The following EVI5 variants were observed in gnomAD, a reference collection of about 807,000 sequenced individuals.
EVI5 encodes ecotropic viral integration site 5 protein homolog.
In EVI5, 73 loss-of-function variants were observed where a neutral mutation model predicts 112.0. That is an observed-to-expected ratio of 0.65 (90% CI 0.54 to 0.79). The LOEUF (loss-of-function observed/expected upper bound fraction) is 0.79, where lower values mean the gene tolerates loss of function less well. Ranked by LOEUF, EVI5 falls within the 30% of genes least tolerant of loss-of-function variation. The pLI is 0.00. For synonymous variants in EVI5, 305 were observed against 319.9 expected (o/e 0.95, Z 0.50); for missense variants, 900 against 968.8 (o/e 0.93, Z 0.94).
intron 13 of EVI5, among the ~76,000 whole-genome samples, chr1:92,637,212 T>G (rs1436830951): frequency 6.6e-6 from 1 of 152,044 alleles, no homozygotes; most frequent in East Asian, 1.9e-4. Context: ...ACCCTGTCTC[T>G]ACTAAAAATA....
chr1:92,647,816 T>C (rs936889307), intron 13 of EVI5, among the ~76,000 whole-genome samples: 1 of 151,802 alleles, frequency 6.6e-6, no homozygotes, highest in Non-Finnish European at 1.5e-5. Flanking sequence ...CTTAGCTCAC[T>C]GTAAACTCCA....
chr1:92,753,993 A>C (rs1229303777), intron 1 of EVI5, among the ~76,000 whole-genome samples: 4 of 152,206 alleles, frequency 2.6e-5, no homozygotes, highest in Non-Finnish European at 5.9e-5. Context: ...GTCATCTAGG[A>C]AAGATTGTAT....
At chr1:92,576,446 T>C (rs1557823505) in intron 18 of EVI5, among the ~76,000 whole-genome samples, 1 of 152,158 alleles carries the variant, frequency 6.6e-6, no homozygotes, top group Non-Finnish European at 1.5e-5. Flanking sequence ...CAAAGAATTC[T>C]CTCCATATTT....
intron 14 of EVI5, among the ~76,000 whole-genome samples, chr1:92,635,625 C>T (rs1210776104): frequency 2.0e-5 from 3 of 152,146 alleles, no homozygotes; most frequent in East Asian, 1.9e-4. Context: ...CCTTGCGCTT[C>T]GCGGCTCAGG....
chr1:92,702,643 T>G (rs1168835047), intron 4 of EVI5, among the ~76,000 whole-genome samples: 1 of 151,558 alleles, frequency 6.6e-6, no homozygotes, highest in Non-Finnish European at 1.5e-5. Flanking sequence ...CTGTCTCTAC[T>G]AAAAATACAA....
intron 2 of EVI5, among the ~76,000 whole-genome samples, chr1:92,714,935 G>C (rs1673386496): frequency 6.6e-6 from 1 of 152,066 alleles, no homozygotes; most frequent in Non-Finnish European, 1.5e-5. Flanking sequence ...CACCAGGATT[G>C]TTCTCCCAAG....
intron 19 of EVI5, among the ~76,000 whole-genome samples, chr1:92,529,946 A>G (rs1421124153): frequency 6.6e-6 from 1 of 152,168 alleles, no homozygotes; most frequent in Admixed American, 6.5e-5. Context: ...TTAACACATG[A>G]TTGAATATAT....
At chr1:92,618,924 G>C (rs1424762292) in intron 16 of EVI5, among the ~76,000 whole-genome samples, 1 of 152,192 alleles carries the variant, frequency 6.6e-6, no homozygotes, top group Non-Finnish European at 1.5e-5. Context: ...TTATGTAATA[G>C]TATTTGAGTC....
intron 19 of EVI5, among the ~76,000 whole-genome samples, chr1:92,530,657 T>G (rs573365230): frequency 6.6e-6 from 1 of 151,644 alleles, no homozygotes; most frequent in South Asian, 2.1e-4. Flanking sequence ...GGGTCCAGAG[T>G]GGACCTCCAA....
intron 10 of EVI5, among the ~76,000 whole-genome samples, chr1:92,666,277 C>G (rs1384239465): frequency 3.3e-5 from 5 of 151,936 alleles, no homozygotes; most frequent in African/African-American, 1.2e-4. Context: ...AACCTCGTCT[C>G]TATGAAAACT....
chr1:92,621,102 A>C (rs1218259240), intron 16 of EVI5, among the ~76,000 whole-genome samples: 1 of 152,150 alleles, frequency 6.6e-6, no homozygotes, highest in African/African-American at 2.4e-5. Context: ...AAGATGTATA[A>C]ATAAATAAGT....
chr1:92,537,128 A>G (rs1011034185), intron 19 of EVI5, among the ~76,000 whole-genome samples: 1 of 152,168 alleles, frequency 6.6e-6, no homozygotes, highest in Admixed American at 6.5e-5. Context: ...ACAAAGTGGA[A>G]AAAAGTCATC....
At chr1:92,614,290 A>T (rs1214959606) in intron 16 of EVI5, among the ~76,000 whole-genome samples, 1 of 152,218 alleles carries the variant, frequency 6.6e-6, no homozygotes, top group African/African-American at 2.4e-5. Context: ...TCAACAAAAA[A>T]ATTACAAAGC....
At chr1:92,612,726 GAA>G (rs11290213) in intron 16 of EVI5, among the ~76,000 whole-genome samples, 104 of 109,756 alleles carry the variant, frequency 9.5e-4, no homozygotes, top group South Asian at 1.6e-3. Context: ...AAAAAAAAAG[GAA>G]AAAAAAAAAA....
intron 18 of EVI5, among the ~76,000 whole-genome samples, chr1:92,592,696 G>A (rs1174903482): frequency 6.6e-6 from 1 of 152,090 alleles, no homozygotes; most frequent in Non-Finnish European, 1.5e-5. Flanking sequence ...GAAGAAAAGA[G>A]AGAAGAATCA....
At chr1:92,622,115 G>A (rs1475536030) in intron 16 of EVI5, among the ~76,000 whole-genome samples, 3 of 117,726 alleles carry the variant, frequency 2.5e-5, no homozygotes, top group South Asian at 3.4e-4. Flanking sequence ...GCAAGGCTCC[G>A]TCTAAAAAAT....
intron 19 of EVI5, among the ~76,000 whole-genome samples, chr1:92,560,640 C>T (rs567764080): frequency 6.6e-5 from 10 of 152,188 alleles, no homozygotes; most frequent in Admixed American, 5.9e-4. Flanking sequence ...CGGTTCACTG[C>T]AGCCTTGACC....
intron 18 of EVI5, among the ~76,000 whole-genome samples, chr1:92,599,828 A>T (rs1385661155): frequency 6.6e-6 from 1 of 152,160 alleles, no homozygotes; most frequent in African/African-American, 2.4e-5. Context: ...GGTGATGAGG[A>T]TGGGGAGATA....
chr1:92,786,801 G>A (rs912149539), upstream of EVI5, among the ~76,000 whole-genome samples: 1 of 152,186 alleles, frequency 6.6e-6, no homozygotes, highest in African/African-American at 2.4e-5. Flanking sequence ...ATGGCCAGGT[G>A]CCTTGCCCAC....
Sources: allele counts gnomAD v4.1 joint callset (sites outside exome capture counted in the v4.1 genomes callset), GRCh38; gene constraint gnomAD v4.1.1; transcripts MANE v1.5; gene names NCBI Gene and HGNC (gene_info 2026-07-23, HGNC 2026-07-21).